GLB1L3: variants seen among roughly 807,000 people sequenced by gnomAD.
GLB1L3 encodes the protein galactosidase beta 1 like 3.
Under a neutral mutation model 89.5 loss-of-function variants are expected in GLB1L3, and 89 were observed. The observed-to-expected ratio is 0.99, with a 90% confidence interval of 0.84 to 1.19. The LOEUF (loss-of-function observed/expected upper bound fraction) is 1.19. Among genes scored for constraint, GLB1L3 ranks in the 50% most tolerant of loss-of-function variants. The pLI is 0.00. For missense variants in GLB1L3, 812 were observed against 813.3 expected, an observed-to-expected ratio of 1.00 and a Z score of 0.02; for synonymous variants, 314 against 312.3, an observed-to-expected ratio of 1.01 and a Z score of -0.06.
intron 9 of GLB1L3, among the ~76,000 whole-genome samples, chr11:134,294,151 C>T (rs1941509256): frequency 6.6e-6 from 1 of 152,048 alleles, no homozygotes; most frequent in African/African-American, 2.4e-5. Flanking sequence ...ACTGCAACCT[C>T]CGCCTCCTTG....
rs937980224 is a variant in GLB1L3, at chr11:134,276,476, G to T, written c.-265G>T. ...GCTTCCCCTCCGAGGGCAGAGAGGC[G>T]TCCGCGCCCGGACGCACTGCGGGAA... On this transcript the variant is annotated 5_prime_UTR_variant, in exon 1 of 20. Coordinates refer to ENST00000431683, the MANE Select transcript of GLB1L3 (RefSeq NM_001080407.3). 5.5e-6 allele frequency: 2 copies of T among 362,274 alleles called. No individual in the cohort carries two copies. The highest frequency in any genetic ancestry group is 9.8e-6 in the Non-Finnish European group (2 of 203,260). 22.4% of individuals were successfully genotyped at this position (362,274 alleles called of 1,614,324 possible). A position where few individuals can be genotyped will look rare whatever the true frequency, so the allele number is the denominator to read the frequency against.
rs954387877 is a variant in GLB1L3, at chr11:134,276,533, C to T, written c.-208C>T. Reference sequence around the variant, plus strand: ...GAGCGCCGGCGGAGCTCGGCTGTCCCCGCGGGAGGGAGCCCGACGCGCATC... The same window carrying T: ...GAGCGCCGGCGGAGCTCGGCTGTCCTCGCGGGAGGGAGCCCGACGCGCATC... On this transcript the variant is annotated 5_prime_UTR_variant, in exon 1 of 20. Transcript: ENST00000431683. The T allele has an allele frequency of 2.5e-6, 1 of 406,846 alleles. No individual in the cohort carries two copies. The highest frequency in any genetic ancestry group is 4.2e-6 in the Non-Finnish European group (1 of 237,906). The allele number at this position is 406,846 out of a possible 1,614,324, so 25.2% of individuals were successfully genotyped here. A position where few individuals can be genotyped will look rare whatever the true frequency, so the allele number is the denominator to read the frequency against.
chr11:134,314,020 C>G lies in GLB1L3; in HGVS notation c.1659C>G (p.Phe553Leu). ...ATTCCCTGGAGATGAAAATGAGCTT[C>G]TTTGAGAGGTATGCTCCAGCTGGCC... ...TIYSLEMKMS[F>L]FERLRSATWK... Residue 553 changes from phenylalanine to leucine, a missense_variant, in exon 17 of 20, where the codon TTC becomes TTG. This residue lies in a region of GLB1L3 where 618 missense variants were observed against 604.0 expected (regional missense o/e 1.02). Transcript: ENST00000431683. 1 of 1,607,938 alleles carries G rather than the reference C, an allele frequency of 6.2e-7. No homozygotes were observed. Among genetic ancestry groups the G allele is most frequent in the Non-Finnish European group, 8.5e-7 (1 of 1,175,034 alleles).
Position 134,313,478 on chromosome 11 carries a change from G to T in GLB1L3, c.1579+4G>T, listed in dbSNP as rs774530757. 1.3e-6 allele frequency: 2 copies of T among 1,570,200 alleles called. No homozygotes were observed. Among genetic ancestry groups the T allele is most frequent in the Non-Finnish European group, 1.7e-6 (2 of 1,157,104 alleles). ...CAAATACAGAATGAGCAGAAAGGTG[G>T]GCTCTGGCTGTGGCTTCTCCTCAGT... On this transcript the variant is annotated splice_donor_region_variant and intron_variant, in intron 16 of 19. Transcript: ENST00000431683.
chr11:134,280,474 G>A (rs1193637842), intron 3 of GLB1L3, among the ~76,000 whole-genome samples: 2 of 152,104 alleles, frequency 1.3e-5, no homozygotes, highest in African/African-American at 4.8e-5. Flanking sequence ...TAATTACACA[G>A]TTCAAATCTG....
At chr11:134,285,562 G>A (rs1212177981) in intron 6 of GLB1L3, among the ~76,000 whole-genome samples, 2 of 152,100 alleles carry the variant, frequency 1.3e-5, no homozygotes, top group African/African-American at 4.8e-5. Flanking sequence ...AAAGTGGGAG[G>A]ACTGCTTGAG....
intron 5 of GLB1L3, among the ~76,000 whole-genome samples, chr11:134,282,712 A>G (rs1171599227): frequency 1.3e-5 from 2 of 152,148 alleles, no homozygotes; most frequent in Admixed American, 1.3e-4. Flanking sequence ...GTGAGACTCC[A>G]AGACTCCTCT....
rs1422381253 is a variant in GLB1L3, at chr11:134,312,506, G to T, written c.1428+17G>T. ...GTGGCACAGGTAGGGCCAGCAGGCT[G>T]TCTGTGTGGGAAGCAAAGTGCATCA... On this transcript the variant is annotated intron_variant, in intron 14 of 19. Transcript: ENST00000431683. The T allele has an allele frequency of 1.3e-5, 21 of 1,608,242 alleles. No homozygotes were observed. The highest frequency in any genetic ancestry group is 1.8e-5 in the Non-Finnish European group (21 of 1,179,316).
At chr11:134,306,694 A>G (rs1398347970) in intron 9 of GLB1L3, among the ~76,000 whole-genome samples, 1 of 152,236 alleles carries the variant, frequency 6.6e-6, no homozygotes, top group African/African-American at 2.4e-5. Flanking sequence ...CCTTTTAAAA[A>G]CAGAATCTAC....
chr11:134,302,325 TG>T (rs777425808), intron 9 of GLB1L3, among the ~76,000 whole-genome samples: 16 of 123,410 alleles, frequency 1.3e-4, no homozygotes, highest in Non-Finnish European at 2.2e-4. Context: ...GAGAAAACTG[TG>T]GTTTCATTGA....
At chr11:134,293,507 C>T (rs1144222) in intron 9 of GLB1L3, among the ~76,000 whole-genome samples, 68,181 of 151,884 alleles carry the variant, frequency 0.45, 15,746 homozygotes, top group Non-Finnish European at 0.49. Flanking sequence ...TGCTCAGAGA[C>T]GGCTATGCGC....
intron 7 of GLB1L3, chr11:134,289,136 G>A (rs555908621): frequency 8.3e-5 from 33 of 396,238 alleles, no homozygotes; most frequent in African/African-American, 6.3e-4. Context: ...ATAATAAACA[G>A]TCGATTAATG....
intron 6 of GLB1L3, among the ~76,000 whole-genome samples, 175 bp downstream of exon 6, chr11:134,284,020 C>T (rs1940850874): frequency 6.6e-6 from 1 of 152,132 alleles, no homozygotes; most frequent in South Asian, 2.1e-4. Context: ...CTGTCCTGTC[C>T]TTGTTGTCCG....
intron 10 of GLB1L3, 63 bp downstream of exon 10, chr11:134,307,271 C>A: frequency 7.0e-6 from 8 of 1,150,570 alleles, no homozygotes; most frequent in South Asian, 1.3e-5. Context: ...AGAACTCATT[C>A]ATACAGTTCT....
chr11:134,313,805 G>C, intron 16 of GLB1L3, 136 bp from the exon 17 acceptor site: 1 of 676,262 alleles, frequency 1.5e-6, no homozygotes, highest in Admixed American at 2.1e-5. Context: ...GTCACAGCAG[G>C]TCAGACAAAT....
chr11:134,301,564 G>A (rs1015385344), intron 9 of GLB1L3, among the ~76,000 whole-genome samples: 4 of 151,876 alleles, frequency 2.6e-5, no homozygotes, highest in Middle Eastern at 3.2e-3. Flanking sequence ...TCAAAGAACC[G>A]ATTTTTTTTT....
At chr11:134,288,988 G>A (rs1436804214) in intron 7 of GLB1L3, 98 bp downstream of exon 7, 1 of 802,602 alleles carries the variant, frequency 1.2e-6, no homozygotes, top group African/African-American at 1.7e-5. Context: ...TGGACACTGT[G>A]CATTCTGAGA....
chr11:134,307,880 C>G (rs547768559), intron 10 of GLB1L3, among the ~76,000 whole-genome samples: 1 of 152,046 alleles, frequency 6.6e-6, no homozygotes, highest in Non-Finnish European at 1.5e-5. Flanking sequence ...GCCTGGCAGT[C>G]GTTTACTTAA....
At chr11:134,308,193 CCATCACCACTACCACCACCACCAT>C (rs1942313471) in intron 10 of GLB1L3, among the ~76,000 whole-genome samples, 1 of 102,064 alleles carries the variant, frequency 9.8e-6, no homozygotes, top group Non-Finnish European at 1.8e-5. Context: ...ACCATCATCA[CCATCACCACTACCACCACCACCAT>C]CACCATCACC....
Sources: gnomAD v4.1 joint callset for allele counts (sites outside exome capture counted in the v4.1 genomes callset) on GRCh38, gnomAD v4.1.1 for gene constraint, gnomAD v4.1.1 regional missense constraint, MANE v1.5 for transcripts, NCBI Gene and HGNC (gene_info 2026-07-23, HGNC 2026-07-21) for gene names.